GPR89B: variants seen among roughly 807,000 people sequenced by gnomAD.
The protein encoded by GPR89B is golgi pH regulator B, also known as G protein-coupled receptor 89B.
In GPR89B, 25 loss-of-function variants were observed where a neutral mutation model predicts 52.4. The ratio of observed to expected loss-of-function variants is 0.48; its 90% CI spans 0.35 to 0.67. The LOEUF (loss-of-function observed/expected upper bound fraction) is 0.67, where lower values mean the gene tolerates loss of function less well. Ranked by LOEUF, GPR89B falls within the 30% of genes least tolerant of loss-of-function variation. The probability of loss-of-function intolerance (pLI) is 0.01; values close to 1 mark genes in which losing one functional copy is unlikely to be tolerated. For missense variants in GPR89B, 146 were observed against 450.2 expected, an observed-to-expected ratio of 0.32 and a Z score of 6.11; for synonymous variants, 52 against 151.2, an observed-to-expected ratio of 0.34 and a Z score of 4.81.
At chr1:147,951,652 G>A (rs1476949025) in intron 5 of GPR89B, among the ~76,000 whole-genome samples, 3 of 151,996 alleles carry the variant, frequency 2.0e-5, no homozygotes, top group Non-Finnish European at 4.4e-5. Context: ...CTCTGAAAGA[G>A]GTGGAAGGGA....
chr1:148,013,605 G>A, the GPR89B span, among the ~76,000 whole-genome samples: 2 of 152,116 alleles, frequency 1.3e-5, no homozygotes, highest in South Asian at 4.1e-4. Flanking sequence ...GGAGCAGTGC[G>A]GGAGATGCCC....
At chr1:148,025,650 G>C in the GPR89B span, 1 of 144,198 alleles carries the variant, frequency 6.9e-6, no homozygotes, top group South Asian at 2.3e-4. Context: ...ACTGTATTTA[G>C]ATATAGAGTC....
chr1:148,010,261 G>C, the GPR89B span: 1 of 152,298 alleles, frequency 6.6e-6, no homozygotes, highest in African/African-American at 2.4e-5. Flanking sequence ...TCTCTCTTGT[G>C]CAGATCTCTG....
intron 5 of GPR89B, among the ~76,000 whole-genome samples, chr1:147,950,047 A>C (rs1400004282): frequency 7.2e-6 from 1 of 138,588 alleles, no homozygotes; most frequent in Non-Finnish European, 1.5e-5. Flanking sequence ...TCCCTCCCGG[A>C]CGGGGCGGCT....
the GPR89B span, among the ~76,000 whole-genome samples, chr1:148,015,682 C>T: frequency 1.3e-3 from 196 of 149,588 alleles, no homozygotes; most frequent in Admixed American, 2.7e-3. Flanking sequence ...CCTTTCCATA[C>T]GCTTTTGAAG....
downstream of GPR89B, chr1:147,993,648 A>C (rs1336324523): frequency 1.3e-5 from 2 of 153,604 alleles, no homozygotes; most frequent in African/African-American, 4.8e-5. Flanking sequence ...GAAACCGTGA[A>C]TAACTTAACT....
the GPR89B span, among the ~76,000 whole-genome samples, chr1:148,023,096 A>C: frequency 1.3e-5 from 2 of 151,060 alleles, no homozygotes; most frequent in Admixed American, 1.3e-4. Context: ...CTCCCTCCCT[A>C]CCTACCTCAT....
intron 5 of GPR89B, among the ~76,000 whole-genome samples, chr1:147,950,491 G>C (rs1193802794): frequency 6.6e-6 from 1 of 150,888 alleles, no homozygotes; most frequent in African/African-American, 2.4e-5. Context: ...CCCAGACGAT[G>C]GGCGGCCAGG....
intron 11 of GPR89B, among the ~76,000 whole-genome samples, chr1:147,986,933 T>C (rs1315960937): frequency 6.7e-6 from 1 of 150,204 alleles, no homozygotes; most frequent in Non-Finnish European, 1.5e-5. Flanking sequence ...TCTGGCTGAA[T>C]AGCACTTTAA....
At chr1:147,962,853 G>T (rs1262378874) in intron 7 of GPR89B, among the ~76,000 whole-genome samples, 1 of 148,054 alleles carries the variant, frequency 6.8e-6, no homozygotes, top group Non-Finnish European at 1.5e-5. Flanking sequence ...GCCGAGATCC[G>T]CCATTGCCCT....
intron 10 of GPR89B, among the ~76,000 whole-genome samples, chr1:147,976,735 G>C (rs1657853137): frequency 1.3e-5 from 2 of 151,968 alleles, no homozygotes; most frequent in Non-Finnish European, 1.5e-5. Flanking sequence ...TTGCTTCATA[G>C]TGTCATTGCT....
At chr1:147,987,161 G>A (rs1260382670) in intron 11 of GPR89B, among the ~76,000 whole-genome samples, 1 of 152,188 alleles carries the variant, frequency 6.6e-6, no homozygotes, top group Non-Finnish European at 1.5e-5. Context: ...TAGATCAATA[G>A]TGTATCCTCT....
intron 10 of GPR89B, among the ~76,000 whole-genome samples, chr1:147,985,835 G>C (rs1337787729): frequency 1.3e-5 from 2 of 152,110 alleles, no homozygotes; most frequent in Admixed American, 6.6e-5. Context: ...AGTATTTGCT[G>C]TTAGAGCATT....
intron 12 of GPR89B, among the ~76,000 whole-genome samples, chr1:147,991,271 A>AT: frequency 6.6e-6 from 1 of 152,130 alleles, no homozygotes; most frequent in Non-Finnish European, 1.5e-5. Context: ...GTGTATAAGA[A>AT]TGCTTGTGAT....
rs377310946 is a variant in GPR89B at position 147,928,480 on chromosome 1, C to T, written c.-57C>T. The T allele has an allele frequency of 5.6e-6, 9 of 1,605,294 alleles. No homozygotes were observed. Among genetic ancestry groups the T allele is most frequent in the Non-Finnish European group, 7.7e-6 (9 of 1,172,450 alleles). On this transcript the variant is annotated 5_prime_UTR_variant, in exon 1 of 14. Transcript: ENST00000314163. Reference sequence around the variant, plus strand: ...CGTGTGAGGGGGCCTGTGGCCCCAGCGTGCTGTGGCCTCCGGGAGTGGGAA... The same window carrying T: ...CGTGTGAGGGGGCCTGTGGCCCCAGTGTGCTGTGGCCTCCGGGAGTGGGAA...
chr1:147,970,529 C>CTCTCTCTCTCTCTCTA (rs1657367110), intron 10 of GPR89B, among the ~76,000 whole-genome samples: 1 of 141,478 alleles, frequency 7.1e-6, no homozygotes, highest in African/African-American at 2.7e-5. Context: ...CTCTCTCTCT[C>CTCTCTCTCTCTCTCTA]TCTCTATCTC....
intron 1 of GPR89B, among the ~76,000 whole-genome samples, chr1:147,931,068 A>G (rs1387960735): frequency 1.3e-5 from 2 of 151,858 alleles, no homozygotes; most frequent in African/African-American, 4.8e-5. Context: ...TATCTCCTCC[A>G]TAGATTATAA....
At chr1:147,951,232 C>T (rs1482079121) in intron 5 of GPR89B, among the ~76,000 whole-genome samples, 1 of 151,402 alleles carries the variant, frequency 6.6e-6, no homozygotes, top group Non-Finnish European at 1.5e-5. Flanking sequence ...ATTAGGTTTT[C>T]AATAATATCT....
intron 12 of GPR89B, among the ~76,000 whole-genome samples, chr1:147,990,781 G>A (rs1444467316): frequency 2.0e-5 from 3 of 151,110 alleles, no homozygotes; most frequent in African/African-American, 7.4e-5. Context: ...TTATTTCTGA[G>A]GGCTCTGTTC....
Sources: allele counts gnomAD v4.1 joint callset (sites outside exome capture counted in the v4.1 genomes callset), GRCh38; gene constraint gnomAD v4.1.1; transcripts MANE v1.5; gene names NCBI Gene and HGNC (gene_info 2026-07-23, HGNC 2026-07-21).